The following RBKS variants were observed in gnomAD, a reference collection of about 807,000 sequenced individuals.
RBKS encodes ribokinase.
Under a neutral mutation model 33.9 loss-of-function variants are expected in RBKS, and 33 were observed. The observed-to-expected ratio is 0.97, with a 90% confidence interval of 0.74 to 1.30. The LOEUF (loss-of-function observed/expected upper bound fraction) is 1.30, where lower values mean the gene tolerates loss of function less well. Ranked by LOEUF, RBKS falls within the 50% of genes most tolerant of loss-of-function variation. RBKS has a pLI of 0.00. For synonymous variants in RBKS, 125 were observed against 143.0 expected (o/e 0.87, Z 0.90); for missense variants, 361 against 392.6 (o/e 0.92, Z 0.68).
intron 7 of RBKS, among the ~76,000 whole-genome samples, chr2:27,813,380 A>G (rs947714395): frequency 1.4e-4 from 21 of 152,208 alleles, no homozygotes; most frequent in African/African-American, 5.1e-4. Flanking sequence ...TAAAGACAAA[A>G]TAAGAAATTT....
intron 5 of RBKS, among the ~76,000 whole-genome samples, chr2:27,840,372 A>ACGCACGCGCG (rs1663465362): frequency 1.4e-5 from 2 of 138,894 alleles, no homozygotes; most frequent in South Asian, 2.3e-4. Context: ...GCGCACACAC[A>ACGCACGCGCG]CACACACACA....
At chr2:27,801,387 G>A (rs895607508) in intron 7 of RBKS, among the ~76,000 whole-genome samples, 3 of 151,118 alleles carry the variant, frequency 2.0e-5, no homozygotes, top group African/African-American at 7.3e-5. Flanking sequence ...CCCGAAAGGG[G>A]TCAAAATCCA....
At chr2:27,824,841 A>G (rs532168444) in intron 7 of RBKS, among the ~76,000 whole-genome samples, 45 of 152,312 alleles carry the variant, frequency 3.0e-4, no homozygotes, top group African/African-American at 1.1e-3. Context: ...TGCTTTTAGA[A>G]AACCAGTTTT....
intron 1 of RBKS, among the ~76,000 whole-genome samples, chr2:27,871,896 T>C (rs1394220329): frequency 6.6e-6 from 1 of 152,254 alleles, no homozygotes; most frequent in Non-Finnish European, 1.5e-5. Context: ...TGCTCCTCAA[T>C]GCTAGCATCA....
intron 7 of RBKS, among the ~76,000 whole-genome samples, chr2:27,783,969 C>G (rs1484759573): frequency 1.6e-5 from 2 of 125,134 alleles, no homozygotes; most frequent in African/African-American, 5.9e-5. Context: ...CTCTCAGGGT[C>G]ATTTTCTTTT....
At chr2:27,833,245 C>T (rs1289835809) in intron 5 of RBKS, among the ~76,000 whole-genome samples, 1 of 152,168 alleles carries the variant, frequency 6.6e-6, no homozygotes, top group Non-Finnish European at 1.5e-5. Context: ...TCAGAATTCT[C>T]CCGGTGGGAA....
chr2:27,822,317 C>CAATATT (rs1487648353), intron 7 of RBKS, among the ~76,000 whole-genome samples: 1 of 152,122 alleles, frequency 6.6e-6, no homozygotes, highest in Non-Finnish European at 1.5e-5. Flanking sequence ...CTACTGGTGG[C>CAATATT]AGTGACAAGG....
intron 1 of RBKS, chr2:27,870,515 CAT>C (rs1477231803): frequency 4.0e-5 from 10 of 247,818 alleles, no homozygotes; most frequent in South Asian, 3.5e-4. Flanking sequence ...TGAGAGAAGA[CAT>C]GTGTGCACTG....
intron 6 of RBKS, among the ~76,000 whole-genome samples, chr2:27,830,448 T>C (rs1193331593): frequency 2.0e-5 from 3 of 152,246 alleles, no homozygotes; most frequent in South Asian, 4.1e-4. Flanking sequence ...GTATTTTTAG[T>C]AGAGACGGGG....
rs753780612 is a variant in RBKS at position 27,843,185 on chromosome 2, A to G, written c.396T>C (p.Asn132=). The G allele has an allele frequency of 5.5e-5, 89 of 1,612,632 alleles. No homozygotes were observed. Among genetic ancestry groups the G allele is most frequent in the Non-Finnish European group, 7.0e-5 (82 of 1,179,370 alleles). The change falls in exon 5 of 8, where the codon AAT becomes AAC. Residue 132 remains asparagine (N), a synonymous_variant. Transcript: ENST00000302188. ...VIVAGANLLL[N]TEDLRAAANV... ...TGGCTGCTGCCCTCAGATCCTCCGT[A>G]TTCAAAAGTAAATTTGCTCCAGCCA...
chr2:27,829,680 C>T (rs1240762219), intron 6 of RBKS, among the ~76,000 whole-genome samples: 1 of 152,164 alleles, frequency 6.6e-6, no homozygotes. Context: ...AGTGGTTTTA[C>T]AGTAGCTTCC....
intron 7 of RBKS, chr2:27,809,737 A>G (rs1677957813): frequency 6.0e-6 from 2 of 334,618 alleles, no homozygotes; most frequent in Non-Finnish European, 1.1e-5. Context: ...TTTCAGTGAG[A>G]GGTACTTGAA....
chr2:27,863,563 G>A (rs781441794), intron 1 of RBKS, among the ~76,000 whole-genome samples: 9 of 152,178 alleles, frequency 5.9e-5, no homozygotes, highest in Non-Finnish European at 1.2e-4. Context: ...ACCAAAGGAA[G>A]GAATGACCCG....
At chr2:27,872,530 T>G (rs1237753419) in intron 1 of RBKS, among the ~76,000 whole-genome samples, 1 of 151,984 alleles carries the variant, frequency 6.6e-6, no homozygotes, top group Non-Finnish European at 1.5e-5. Context: ...ATAAAAAAGC[T>G]TAAGGCAAAG....
chr2:27,860,870 T>G (rs755916994), intron 1 of RBKS, among the ~76,000 whole-genome samples: 7 of 152,240 alleles, frequency 4.6e-5, no homozygotes, highest in Non-Finnish European at 1.0e-4. Context: ...GTTCTCCATT[T>G]TATGCAATGT....
At position 27,781,562 on chromosome 2, in the gene RBKS, C is replaced by A; in HGVS notation, c.*53G>T. 7.0e-7 allele frequency: 1 copy of A among 1,425,202 alleles called. No individual in the cohort carries two copies. 88.3% of individuals were successfully genotyped at this position (1,425,202 alleles called of 1,614,324 possible). Reference sequence around the variant, plus strand: ...CTAATAAGCATTAGCCAGGAGCAGCCACCCCCAAGTACATTTTATTCCCAG... The same window carrying A: ...CTAATAAGCATTAGCCAGGAGCAGCAACCCCCAAGTACATTTTATTCCCAG... On this transcript the variant is annotated 3_prime_UTR_variant, in exon 8 of 8. Transcript: ENST00000302188.
intron 7 of RBKS, among the ~76,000 whole-genome samples, chr2:27,816,604 TG>T (rs1175276862): frequency 1.3e-4 from 19 of 141,356 alleles, no homozygotes; most frequent in East Asian, 1.0e-3. Context: ...TAAGGATATG[TG>T]TTTTTTTGTT....
At chr2:27,852,751 AG>A (rs1157918908) in intron 2 of RBKS, among the ~76,000 whole-genome samples, 2 of 152,264 alleles carry the variant, frequency 1.3e-5, no homozygotes, top group African/African-American at 4.8e-5. Context: ...ATATTAAAAC[AG>A]GTTACCGATT....
intron 7 of RBKS, among the ~76,000 whole-genome samples, chr2:27,782,192 C>T (rs1390198724): frequency 6.6e-6 from 1 of 151,366 alleles, no homozygotes; most frequent in Non-Finnish European, 1.5e-5. Flanking sequence ...GACATGGTCT[C>T]GCTCTGTTGC....
Sources: gnomAD v4.1 joint callset for allele counts (sites outside exome capture counted in the v4.1 genomes callset) on GRCh38, gnomAD v4.1.1 for gene constraint, MANE v1.5 for transcripts, NCBI Gene and HGNC (gene_info 2026-07-23, HGNC 2026-07-21) for gene names.